Variants in PRKAG2 observed in about 807,000 individuals in gnomAD.
PRKAG2 encodes the protein protein kinase AMP-activated non-catalytic subunit gamma 2, also known as 5'-AMP-activated protein kinase subunit gamma-2.
Under a neutral mutation model 69.6 loss-of-function variants are expected in PRKAG2, and 26 were observed. The observed-to-expected ratio is 0.37, with a 90% CI of 0.27 to 0.52. The LOEUF is 0.52. Ranked by LOEUF, PRKAG2 falls within the 20% of genes least tolerant of loss-of-function variation. PRKAG2 has a pLI of 0.90. For missense variants in PRKAG2, 557 were observed against 740.0 expected (o/e 0.75, Z 2.87); for synonymous variants, 293 against 285.0 (o/e 1.03, Z -0.28).
At chr7:151,727,466 C>G (rs948153458) in intron 3 of PRKAG2, among the ~76,000 whole-genome samples, 1 of 152,186 alleles carries the variant, frequency 6.6e-6, no homozygotes, top group African/African-American at 2.4e-5. Context: ...GAGACCAGAG[C>G]TGGGGTGCCC....
intron 3 of PRKAG2, among the ~76,000 whole-genome samples, chr7:151,760,044 G>C (rs1185770083): frequency 6.6e-6 from 1 of 152,172 alleles, no homozygotes; most frequent in Non-Finnish European, 1.5e-5. Context: ...GTTCATTGCA[G>C]ATTATGTGGG....
chr7:151,748,053 T>C (rs1308524864), intron 3 of PRKAG2, among the ~76,000 whole-genome samples: 2 of 151,784 alleles, frequency 1.3e-5, no homozygotes, highest in South Asian at 2.1e-4. Context: ...CCCTAGTAGC[T>C]GGTACTACAG....
chr7:151,673,946 G>A (rs562374219), intron 4 of PRKAG2, among the ~76,000 whole-genome samples: 1 of 149,916 alleles, frequency 6.7e-6, no homozygotes, highest in Non-Finnish European at 1.5e-5. Context: ...GGTTCCCACG[G>A]TTCTCATGCC....
At chr7:151,679,547 C>A (rs1833510456) in intron 3 of PRKAG2, among the ~76,000 whole-genome samples, 1 of 152,128 alleles carries the variant, frequency 6.6e-6, no homozygotes, top group Admixed American at 6.5e-5. Context: ...GTGCAGGGAC[C>A]TGATGGGGCA....
chr7:151,556,213 TAC>T lies in PRKAG2; in HGVS notation c.*986_*987del. 6.6e-6 allele frequency: 1 copy of T among 151,004 alleles called. No homozygotes were observed. Among genetic ancestry groups the T allele is most frequent in the Non-Finnish European group, 1.5e-5 (1 of 67,814 alleles). 9.4% of individuals were successfully genotyped at this position (151,004 alleles called of 1,614,324 possible). ...AACAAACTATCCTCATATATATATA[TAC>T]AGTGTCAACATTTTCAGAGCACTTA... is the stretch of plus-strand genomic sequence containing the variant. On this transcript the variant is annotated 3_prime_UTR_variant, in exon 16 of 16. Transcript: ENST00000287878.
chr7:151,641,840 T>G (rs1826756442), intron 4 of PRKAG2, among the ~76,000 whole-genome samples: 2 of 152,006 alleles, frequency 1.3e-5, no homozygotes, highest in African/African-American at 4.8e-5. Context: ...GGAAGACAAT[T>G]GATTTTTAAA....
chr7:151,582,774 G>A (rs552439573), intron 6 of PRKAG2, among the ~76,000 whole-genome samples: 3 of 152,208 alleles, frequency 2.0e-5, no homozygotes, highest in Non-Finnish European at 4.4e-5. Context: ...CAAGCACCAA[G>A]GCTTTCTCGC....
At chr7:151,623,363 CAAAAAAAAAAAAA>C (rs71198724) in intron 5 of PRKAG2, among the ~76,000 whole-genome samples, 3 of 36,664 alleles carry the variant, frequency 8.2e-5, no homozygotes, top group Non-Finnish European at 1.5e-4. Flanking sequence ...GACTCTGTCT[CAAAAAAAAAAAAA>C]AAAAAAAAAA....
At chr7:151,690,025 G>A (rs149528164) in intron 3 of PRKAG2, among the ~76,000 whole-genome samples, 294 of 152,278 alleles carry the variant, frequency 1.9e-3, no homozygotes, top group African/African-American at 6.4e-3. Flanking sequence ...GGAAATAAGC[G>A]TCTCGTGGTG....
At chr7:151,687,543 T>C (rs1834914211) in intron 3 of PRKAG2, among the ~76,000 whole-genome samples, 1 of 152,232 alleles carries the variant, frequency 6.6e-6, no homozygotes, top group Non-Finnish European at 1.5e-5. Context: ...AGATGAACTC[T>C]GCCGAATGTG....
chr7:151,812,155 AGACCCC>A (rs2078453741), intron 1 of PRKAG2, among the ~76,000 whole-genome samples: 1 of 152,218 alleles, frequency 6.6e-6, no homozygotes, highest in African/African-American at 2.4e-5. Flanking sequence ...TAAGAAATTA[AGACCCC>A]TACCTGACTG....
intron 3 of PRKAG2, among the ~76,000 whole-genome samples, chr7:151,726,501 C>T (rs532846847): frequency 7.2e-5 from 11 of 152,226 alleles, no homozygotes; most frequent in South Asian, 2.1e-4. Flanking sequence ...GGCACACCAA[C>T]GCACAAGAGT....
intron 3 of PRKAG2, among the ~76,000 whole-genome samples, chr7:151,764,457 C>T (rs528005360): frequency 1.3e-5 from 2 of 152,340 alleles, no homozygotes; most frequent in East Asian, 1.9e-4. Context: ...GATTTGCTGA[C>T]ACCTGAGCTG....
intron 1 of PRKAG2, among the ~76,000 whole-genome samples, chr7:151,798,978 G>C (rs2077691620): frequency 6.6e-6 from 1 of 152,036 alleles, no homozygotes; most frequent in South Asian, 2.1e-4. Flanking sequence ...TCATCCCCAG[G>C]CCACCGCTAG....
At chr7:151,585,368 G>A (rs1196879059) in intron 6 of PRKAG2, among the ~76,000 whole-genome samples, 1 of 152,154 alleles carries the variant, frequency 6.6e-6, no homozygotes, top group African/African-American at 2.4e-5. Context: ...TATGACAAGA[G>A]TAAGGCACAG....
intron 4 of PRKAG2, among the ~76,000 whole-genome samples, chr7:151,642,389 G>A (rs1327839879): frequency 6.6e-6 from 1 of 151,956 alleles, no homozygotes; most frequent in Non-Finnish European, 1.5e-5. Context: ...GCTGGGCATA[G>A]TGGCTCATGC....
At chr7:151,564,950 A>C (rs1380465450) in intron 13 of PRKAG2, among the ~76,000 whole-genome samples, 2 of 152,178 alleles carry the variant, frequency 1.3e-5, no homozygotes, top group African/African-American at 4.8e-5. Flanking sequence ...TCTTTAGAAC[A>C]GTGGCTCCCA....
At chr7:151,712,117 G>A (rs768896492) in intron 3 of PRKAG2, among the ~76,000 whole-genome samples, 2 of 152,212 alleles carry the variant, frequency 1.3e-5, no homozygotes, top group Non-Finnish European at 1.5e-5. Context: ...CTTCCTCCGC[G>A]GCGCGTACGT....
intron 5 of PRKAG2, among the ~76,000 whole-genome samples, chr7:151,595,996 C>G (rs1384249327): frequency 6.6e-6 from 1 of 151,720 alleles, no homozygotes; most frequent in Non-Finnish European, 1.5e-5. Flanking sequence ...ATAGCAAGAC[C>G]CAGTTTCTAC....
Sources: allele counts gnomAD v4.1 joint callset (sites outside exome capture counted in the v4.1 genomes callset), GRCh38; gene constraint gnomAD v4.1.1; transcripts MANE v1.5; gene names NCBI Gene and HGNC (gene_info 2026-07-23, HGNC 2026-07-21).